The following RALGPS2 variants were observed in gnomAD, a reference collection of about 807,000 sequenced individuals.
RALGPS2 encodes the protein ras-specific guanine nucleotide-releasing factor RalGPS2.
In RALGPS2, 43 loss-of-function variants were observed where a neutral mutation model predicts 86.8. The observed-to-expected ratio is 0.50, with a 90% CI of 0.39 to 0.64. The LOEUF is 0.64. Ranked by LOEUF, RALGPS2 falls within the 30% of genes least tolerant of loss-of-function variation. RALGPS2 has a pLI of 0.00. For missense variants in RALGPS2, 536 were observed against 694.6 expected, an observed-to-expected ratio of 0.77 and a Z score of 2.57; for synonymous variants, 243 against 231.3, an observed-to-expected ratio of 1.05 and a Z score of -0.46.
intron 6 of RALGPS2, among the ~76,000 whole-genome samples, chr1:178,815,808 G>A (rs988718029): frequency 6.6e-6 from 1 of 152,164 alleles, no homozygotes; most frequent in Non-Finnish European, 1.5e-5. Context: ...CAATATAGAT[G>A]AAGGCTGTTC....
At chr1:178,799,749 A>G (rs866370843) in intron 4 of RALGPS2, among the ~76,000 whole-genome samples, 6 of 152,164 alleles carry the variant, frequency 3.9e-5, no homozygotes, top group African/African-American at 1.4e-4. Context: ...AAGGCTCATT[A>G]CACTCAGTAC....
At chr1:178,775,357 AATT>A (rs1308035220) in intron 1 of RALGPS2, among the ~76,000 whole-genome samples, 2 of 152,300 alleles carry the variant, frequency 1.3e-5, no homozygotes, top group East Asian at 3.9e-4. Flanking sequence ...GCATTGAAGT[AATT>A]ATTATTAACA....
Position 178,863,057 on chromosome 1 carries a change from A to G in RALGPS2, c.608-14441A>G, listed in dbSNP as rs562944836. 5.3e-5 allele frequency among the ~76,000 whole-genome samples: 8 copies of G among 152,344 alleles called. No homozygotes were observed. In the East Asian group the frequency reaches 1.5e-3, roughly 29 times the overall value. On this transcript the variant is annotated intron_variant, in intron 8 of 19. Coordinates refer to ENST00000367635, the MANE Select transcript of RALGPS2 (RefSeq NM_152663.5). ...GTTATTCCCATTTCACAGGTAAGGA[A>G]ACTGAGGCACAGATAATTTTCTTTC...
At chr1:178,904,651 A>G (rs1295923944) in intron 18 of RALGPS2, among the ~76,000 whole-genome samples, 1 of 152,124 alleles carries the variant, frequency 6.6e-6, no homozygotes, top group Non-Finnish European at 1.5e-5. Context: ...GTTAAAGATC[A>G]GTTGGCTGTA....
chr1:178,801,383 A>G (rs372377784), intron 4 of RALGPS2, among the ~76,000 whole-genome samples: 1 of 152,130 alleles, frequency 6.6e-6, no homozygotes, highest in Admixed American at 6.6e-5. Context: ...AATAATAATA[A>G]TACTAACACT....
chr1:178,910,244 TTTA>T (rs1421901675), intron 19 of RALGPS2, among the ~76,000 whole-genome samples: 1 of 152,120 alleles, frequency 6.6e-6, no homozygotes, highest in African/African-American at 2.4e-5. Context: ...TTGAATGCCT[TTTA>T]TTTCTTTCTC....
At chr1:178,865,829 G>T in intron 8 of RALGPS2, 1 of 1,373,024 alleles carries the variant, frequency 7.3e-7, no homozygotes, top group South Asian at 1.4e-5. Flanking sequence ...CAGTGAAGGA[G>T]AAAAAGCAAA....
intron 8 of RALGPS2, among the ~76,000 whole-genome samples, chr1:178,855,123 T>G (rs182144677): frequency 1.3e-5 from 2 of 152,188 alleles, no homozygotes; most frequent in East Asian, 3.9e-4. Flanking sequence ...ATAATAGGAT[T>G]GTTGAAATTT....
chr1:178,859,075 T>G (rs921903898), intron 8 of RALGPS2, among the ~76,000 whole-genome samples: 2 of 152,176 alleles, frequency 1.3e-5, no homozygotes. Context: ...AGTAGGGTCT[T>G]TCTGTAATAA....
chr1:178,783,441 A>G (rs1171888921), intron 2 of RALGPS2, among the ~76,000 whole-genome samples: 1 of 152,200 alleles, frequency 6.6e-6, no homozygotes, highest in Non-Finnish European at 1.5e-5. Flanking sequence ...AGCAGAAGAA[A>G]TATTTGAAGT....
chr1:178,813,453 A>G (rs1206053370), intron 6 of RALGPS2, among the ~76,000 whole-genome samples: 1 of 152,122 alleles, frequency 6.6e-6, no homozygotes, highest in Non-Finnish European at 1.5e-5. Context: ...CTCTAAACTC[A>G]TAATTGTTTT....
intron 1 of RALGPS2, among the ~76,000 whole-genome samples, chr1:178,741,947 C>T (rs1651052606): frequency 1.3e-5 from 2 of 151,746 alleles, no homozygotes; most frequent in Non-Finnish European, 2.9e-5. Context: ...ACCATCCTGG[C>T]CAACATGTTG....
chr1:178,863,534 T>G (rs1163388192), intron 8 of RALGPS2, among the ~76,000 whole-genome samples: 3 of 152,240 alleles, frequency 2.0e-5, no homozygotes, highest in African/African-American at 7.2e-5. Context: ...CCTTGAGATC[T>G]GCTAAATTGA....
Position 178,728,218 on chromosome 1 carries a change from A to C in RALGPS2, c.-84+2799A>C, listed in dbSNP as rs1572258900. On this transcript the variant is annotated intron_variant, in intron 1 of 19. Transcript: ENST00000367635. Reference sequence around the variant, plus strand: ...ATCTAAATTTCTTTTTTGGTCTAAAATTTTAAAATATCACCTTTTTATTTC... The same window carrying C: ...ATCTAAATTTCTTTTTTGGTCTAAACTTTTAAAATATCACCTTTTTATTTC... Among the ~76,000 whole-genome samples, 3 of 152,282 alleles carry C rather than the reference A, an allele frequency of 2.0e-5. No homozygotes were observed. In the South Asian group the frequency reaches 6.2e-4, roughly 32 times the overall value.
chr1:178,791,648 A>C (rs1558121737), intron 4 of RALGPS2, among the ~76,000 whole-genome samples: 1 of 152,152 alleles, frequency 6.6e-6, no homozygotes, highest in Non-Finnish European at 1.5e-5. Context: ...TATAATATAT[A>C]TCTCCCACTC....
chr1:178,851,553 A>C (rs1425462014), intron 8 of RALGPS2, among the ~76,000 whole-genome samples: 2 of 151,520 alleles, frequency 1.3e-5, no homozygotes, highest in Non-Finnish European at 2.9e-5. Flanking sequence ...TTTTTTAAAA[A>C]GGGGGATTTA....
intron 2 of RALGPS2, among the ~76,000 whole-genome samples, chr1:178,783,719 G>C (rs917234897): frequency 1.3e-5 from 2 of 152,020 alleles, no homozygotes; most frequent in African/African-American, 4.8e-5. Flanking sequence ...TTCTCATATT[G>C]ATGTTCCTCT....
intron 8 of RALGPS2, among the ~76,000 whole-genome samples, chr1:178,856,202 GATATATATATATATATATAT>G (rs55797277): frequency 1.2e-5 from 1 of 83,912 alleles, no homozygotes; most frequent in African/African-American, 6.4e-5. Flanking sequence ...GAGAGAGAGA[GATATATATATATATATATAT>G]ATATATATAT....
At chr1:178,824,962 G>A (rs752032217) in intron 7 of RALGPS2, among the ~76,000 whole-genome samples, 1 of 152,112 alleles carries the variant, frequency 6.6e-6, no homozygotes, top group Non-Finnish European at 1.5e-5. Flanking sequence ...AAAAAGCAAG[G>A]TCTTTAGTTA....
Sources: gnomAD v4.1 joint callset for allele counts (sites outside exome capture counted in the v4.1 genomes callset) on GRCh38, gnomAD v4.1.1 for gene constraint, MANE v1.5 for transcripts, NCBI Gene and HGNC (gene_info 2026-07-23, HGNC 2026-07-21) for gene names.